ABCC8: variants seen among roughly 807,000 people sequenced by gnomAD.
ABCC8 encodes ATP binding cassette subfamily C member 8, also known as ATP-binding cassette sub-family C member 8.
In ABCC8, 137 loss-of-function variants were observed where a neutral mutation model predicts 188.0. The observed-to-expected ratio is 0.73, with a 90% confidence interval of 0.63 to 0.84. ABCC8 has a LOEUF of 0.84. Ranked by LOEUF, ABCC8 falls within the 40% of genes least tolerant of loss-of-function variation. The probability of loss-of-function intolerance (pLI) is 0.00; values close to 1 mark genes in which losing one functional copy is unlikely to be tolerated. For missense variants in ABCC8, 1,750 were observed against 2,072.7 expected (o/e 0.84, Z 3.02); for synonymous variants, 797 against 846.5 (o/e 0.94, Z 1.01).
At chr11:17,406,177 C>T (rs1437772161) in intron 26 of ABCC8, among the ~76,000 whole-genome samples, 1 of 152,120 alleles carries the variant, frequency 6.6e-6, no homozygotes, top group Non-Finnish European at 1.5e-5. Context: ...ATCAAGTGGC[C>T]TTTGAGATTT....
intron 2 of ABCC8, among the ~76,000 whole-genome samples, chr11:17,472,991 C>A (rs111577928): frequency 2.0e-5 from 3 of 152,166 alleles, no homozygotes; most frequent in African/African-American, 7.2e-5. Context: ...ACTCTTGCCT[C>A]TTTACTCCTT....
intron 33 of ABCC8, 28 bp downstream of exon 33, chr11:17,396,888 C>T (rs764858410): frequency 3.7e-6 from 6 of 1,612,486 alleles, no homozygotes; most frequent in Non-Finnish European, 5.1e-6. Context: ...GCCTGTCCTG[C>T]AGCATTGGGT....
chr11:17,408,227 G>C (rs1184361080), intron 23 of ABCC8, 165 bp downstream of exon 23: 1 of 659,888 alleles, frequency 1.5e-6, no homozygotes, highest in East Asian at 2.7e-5. Flanking sequence ...ACCTGGCACA[G>C]GTACTGTCTC....
chr11:17,425,142 C>A (rs1481799691), intron 16 of ABCC8, among the ~76,000 whole-genome samples: 1 of 152,196 alleles, frequency 6.6e-6, no homozygotes, highest in Non-Finnish European at 1.5e-5. Flanking sequence ...AATACCTGGG[C>A]CTTCCCAGTC....
At chr11:17,430,680 C>T in intron 12 of ABCC8, 134 bp downstream of exon 12, 1 of 1,092,428 alleles carries the variant, frequency 9.2e-7, no homozygotes, top group East Asian at 2.4e-5. Context: ...CCAACCAGGA[C>T]CAGCTACAGC....
chr11:17,441,473 T>C lies in ABCC8; in HGVS notation c.1630+1247A>G, dbSNP rs149044163. Among the ~76,000 whole-genome samples the C allele has an allele frequency of 3.3e-3, 510 of 152,374 alleles. 2 individuals are homozygous for C. Among genetic ancestry groups the C allele is most frequent in the African/African-American group, 0.011 (472 of 41,594 alleles). On this transcript the variant is annotated intron_variant, in intron 10 of 38. Transcript: ENST00000389817. ...TTCTCTCTTCAGCTATACTCATTCA[T>C]GTAACCTGTGCACTGAGTAAGTTTT... is the stretch of plus-strand genomic sequence containing the variant.
chr11:17,434,686 A>T (rs1206377134), intron 10 of ABCC8, among the ~76,000 whole-genome samples: 1 of 152,080 alleles, frequency 6.6e-6, no homozygotes, highest in African/African-American at 2.4e-5. Context: ...TTTTAATTTA[A>T]TTTTTTTCAA....
chr11:17,450,299 TTTC>T (rs1956732855), intron 7 of ABCC8, among the ~76,000 whole-genome samples: 2 of 140,062 alleles, frequency 1.4e-5, no homozygotes, highest in Non-Finnish European at 3.0e-5. Context: ...TCTTTCTTTC[TTTC>T]TTTCTTTCTT....
intron 3 of ABCC8, 114 bp downstream of exon 3, chr11:17,469,987 T>G: frequency 2.2e-6 from 3 of 1,392,120 alleles, no homozygotes; most frequent in Non-Finnish European, 3.0e-6. Context: ...TTTTTCTTTT[T>G]CTATTCCAAA....
intron 16 of ABCC8, among the ~76,000 whole-genome samples, chr11:17,419,131 C>T (rs571019185): frequency 4.5e-4 from 69 of 152,304 alleles, no homozygotes; most frequent in African/African-American, 1.6e-3. Flanking sequence ...CAGTGAGCCT[C>T]CCCAAACTTT....
At chr11:17,460,854 C>T (rs1243292641) in intron 5 of ABCC8, 178 bp from the exon 6 acceptor site, 6 of 1,268,380 alleles carry the variant, frequency 4.7e-6, no homozygotes, top group Non-Finnish European at 6.4e-6. Context: ...TTGGGAGGGC[C>T]CTATCAACAC....
chr11:17,426,955 T>A, intron 16 of ABCC8, 94 bp downstream of exon 16: 1 of 1,409,038 alleles, frequency 7.1e-7, no homozygotes. Flanking sequence ...GAACACAGAG[T>A]GGGCCCTCCA....
chr11:17,455,478 A>G (rs947498841), intron 6 of ABCC8, among the ~76,000 whole-genome samples: 4 of 152,220 alleles, frequency 2.6e-5, no homozygotes, highest in Non-Finnish European at 4.4e-5. Flanking sequence ...TCCGCCCCCA[A>G]CAAAATAACC....
intron 10 of ABCC8, among the ~76,000 whole-genome samples, chr11:17,437,724 A>T (rs542253694): frequency 6.6e-6 from 1 of 152,326 alleles, no homozygotes; most frequent in Non-Finnish European, 1.5e-5. Context: ...TCCCTCAGCC[A>T]TGCTCCCCAC....
rs752953495 is a variant in ABCC8, at chr11:17,410,581, G to A, written c.2629C>T (p.Arg877Trp). ...LMQAGILELL[R>W]DDKRTVVLVT... ...AAGACCACTGTCCTCTTGTCGTCCC[G>A]GAGCAGCTCAAGGATGCCGGCCTGC... The change falls in exon 22 of 39, where the codon CGG becomes TGG. Residue 877 changes from arginine (R) to tryptophan (W), a missense_variant. Physicochemically the swap from Arg to Trp is moderately radical, Grantham distance 101. Transcript: ENST00000389817. 1.2e-5 allele frequency: 19 copies of A among 1,613,984 alleles called. No individual in the cohort carries two copies. Among genetic ancestry groups the A allele is most frequent in the African/African-American group, 2.7e-5 (2 of 74,894 alleles).
At chr11:17,462,108 C>G (rs1158369516) in intron 4 of ABCC8, among the ~76,000 whole-genome samples, 1 of 152,170 alleles carries the variant, frequency 6.6e-6, no homozygotes, top group East Asian at 1.9e-4. Flanking sequence ...AGGAATCTCT[C>G]ATATGCTATC....
At position 17,406,877 on chromosome 11, in the gene ABCC8, G is replaced by C; in HGVS notation, c.3162+11C>G. ...CCACTCCCAACCTCTGCCATGGGCC[G>C]CCAGTCACACCTGGCTGAGGGAGCA... On this transcript the variant is annotated intron_variant, in intron 25 of 38. Coordinates refer to ENST00000389817, the MANE Select transcript of ABCC8 (RefSeq NM_000352.6). 6.2e-7 allele frequency: 1 copy of C among 1,614,058 alleles called. No individual in the cohort carries two copies. Among genetic ancestry groups the C allele is most frequent in the South Asian group, 1.1e-5 (1 of 91,074 alleles).
At chr11:17,413,336 G>A in intron 20 of ABCC8, 58 bp downstream of exon 20, 1 of 1,605,594 alleles carries the variant, frequency 6.2e-7, no homozygotes, top group Non-Finnish European at 8.5e-7. Flanking sequence ...TAGTGTCTCA[G>A]GGCATGGTAG....
At chr11:17,423,780 G>A (rs1466234482) in intron 16 of ABCC8, among the ~76,000 whole-genome samples, 2 of 152,218 alleles carry the variant, frequency 1.3e-5, no homozygotes, top group East Asian at 3.8e-4. Context: ...GGCCACAGCG[G>A]CTGCTGGCCT....
Sources: gnomAD v4.1 joint callset for allele counts (sites outside exome capture counted in the v4.1 genomes callset) on GRCh38, gnomAD v4.1.1 for gene constraint, MANE v1.5 for transcripts, NCBI Gene and HGNC (gene_info 2026-07-23, HGNC 2026-07-21) for gene names.